The following TAFA1 variants were observed in gnomAD, a reference collection of about 807,000 sequenced individuals.
The protein encoded by TAFA1 is TAFA chemokine like family member 1.
TAFA1 carries 4 observed loss-of-function variants against 18.5 expected under a neutral mutation model. That is an observed-to-expected ratio of 0.22 (90% CI 0.11 to 0.49). The LOEUF (loss-of-function observed/expected upper bound fraction) is 0.49. TAFA1 is among the 20% of genes least tolerant of loss of function. The probability of loss-of-function intolerance (pLI) is 0.98; values close to 1 mark genes in which losing one functional copy is unlikely to be tolerated. For missense variants in TAFA1, 147 were observed against 169.0 expected, an observed-to-expected ratio of 0.87 and a Z score of 0.72; for synonymous variants, 56 against 55.2, an observed-to-expected ratio of 1.01 and a Z score of -0.06.
At chr3:68,452,573 C>G (rs2071584027) in intron 3 of TAFA1, among the ~76,000 whole-genome samples, 1 of 150,012 alleles carries the variant, frequency 6.7e-6, no homozygotes, top group African/African-American at 2.5e-5. Context: ...AAGAACATGT[C>G]TACTACTATG....
intron 2 of TAFA1, among the ~76,000 whole-genome samples, chr3:68,190,143 C>A (rs1205774516): frequency 6.6e-6 from 1 of 151,846 alleles, no homozygotes; most frequent in Non-Finnish European, 1.5e-5. Context: ...CTAACGAATT[C>A]TAACATTTTG....
rs150298589 is a variant in TAFA1 at position 68,052,198 on chromosome 3, G to A, written c.118+45454G>A. Among the ~76,000 whole-genome samples, 503 of 152,168 alleles carry A rather than the reference G, an allele frequency of 3.3e-3. 3 individuals carry two copies. The highest frequency in any genetic ancestry group is 0.011 in the African/African-American group (473 of 41,540). On this transcript the variant is annotated intron_variant, in intron 2 of 4. Coordinates refer to ENST00000478136, the MANE Select transcript of TAFA1 (RefSeq NM_213609.4). ...ATTGTTAATAGCTCTTTGCTGTCAA[G>A]AAACCACCATGACCTCTTCTTTCTC...
At chr3:68,472,746 C>A (rs547860738) in intron 3 of TAFA1, among the ~76,000 whole-genome samples, 53 of 151,904 alleles carry the variant, frequency 3.5e-4, no homozygotes, top group Non-Finnish European at 6.0e-4. Context: ...AAATAAAATG[C>A]CTATAAATCA....
intron 2 of TAFA1, among the ~76,000 whole-genome samples, chr3:68,020,466 T>A (rs946196823): frequency 6.6e-6 from 1 of 152,176 alleles, no homozygotes; most frequent in Admixed American, 6.5e-5. Context: ...ATAGCGATAA[T>A]GTGTATTCTG....
intron 3 of TAFA1, among the ~76,000 whole-genome samples, chr3:68,485,627 C>A (rs13096988): frequency 0.2 from 29,838 of 152,134 alleles, 3,066 homozygotes; most frequent in African/African-American, 0.23. Flanking sequence ...AAAGTCCTTG[C>A]ATATACCTGG....
intron 2 of TAFA1, among the ~76,000 whole-genome samples, chr3:68,334,421 G>C (rs1481165536): frequency 6.6e-6 from 1 of 152,140 alleles, no homozygotes; most frequent in Non-Finnish European, 1.5e-5. Flanking sequence ...TGAAGAAAAT[G>C]CTAGGAGTTT....
intron 2 of TAFA1, among the ~76,000 whole-genome samples, chr3:68,403,235 T>C (rs2070532367): frequency 6.6e-6 from 1 of 152,206 alleles, no homozygotes; most frequent in Non-Finnish European, 1.5e-5. Context: ...TGAAATCACT[T>C]AATGACATAT....
intron 2 of TAFA1, among the ~76,000 whole-genome samples, chr3:68,242,472 G>T (rs370118944): frequency 6.6e-6 from 1 of 152,072 alleles, no homozygotes; most frequent in Admixed American, 6.6e-5. Context: ...AAATTAATGA[G>T]GTTTTACTGT....
chr3:68,264,382 A>G (rs2067499387), intron 2 of TAFA1, among the ~76,000 whole-genome samples: 1 of 152,356 alleles, frequency 6.6e-6, no homozygotes, highest in East Asian at 1.9e-4. Flanking sequence ...GTCAACATAC[A>G]TCCCTAACAT....
At chr3:68,251,962 T>C (rs1381949853) in intron 2 of TAFA1, among the ~76,000 whole-genome samples, 1 of 152,138 alleles carries the variant, frequency 6.6e-6, no homozygotes, top group Non-Finnish European at 1.5e-5. Flanking sequence ...CACACTGGGG[T>C]CTATGCAGTT....
At chr3:68,201,345 G>C (rs1358722500) in intron 2 of TAFA1, among the ~76,000 whole-genome samples, 1 of 151,680 alleles carries the variant, frequency 6.6e-6, no homozygotes, top group Non-Finnish European at 1.5e-5. Context: ...AGAAGAATGT[G>C]TGTTCTGCTG....
At chr3:68,438,520 T>C (rs930213853) in intron 3 of TAFA1, among the ~76,000 whole-genome samples, 12 of 152,094 alleles carry the variant, frequency 7.9e-5, no homozygotes, top group Admixed American at 6.6e-4. Flanking sequence ...TGCACACTGT[T>C]CTCTCTACAG....
intron 2 of TAFA1, among the ~76,000 whole-genome samples, chr3:68,078,678 A>T (rs1489518848): frequency 6.6e-6 from 1 of 152,026 alleles, no homozygotes; most frequent in East Asian, 1.9e-4. Context: ...ATCATGGTGG[A>T]TAAGCTTTTT....
At chr3:68,083,255 C>T (rs1055959379) in intron 2 of TAFA1, among the ~76,000 whole-genome samples, 8 of 152,198 alleles carry the variant, frequency 5.3e-5, no homozygotes, top group African/African-American at 1.9e-4. Context: ...CTATCATCTG[C>T]ACCAAACCTT....
chr3:68,410,730 A>AAAAAAAAAG (rs2070699415), intron 2 of TAFA1, among the ~76,000 whole-genome samples: 1 of 147,100 alleles, frequency 6.8e-6, no homozygotes, highest in African/African-American at 2.5e-5. Context: ...AAAAAAAAAA[A>AAAAAAAAAG]AAAGGAAGCT....
chr3:68,257,275 A>G (rs2067316600), intron 2 of TAFA1, among the ~76,000 whole-genome samples: 1 of 152,054 alleles, frequency 6.6e-6, no homozygotes, highest in Non-Finnish European at 1.5e-5. Flanking sequence ...CAGAATTTAA[A>G]TTGGCCTCTC....
At chr3:68,436,552 G>C (rs1459053766) in intron 3 of TAFA1, among the ~76,000 whole-genome samples, 1 of 152,090 alleles carries the variant, frequency 6.6e-6, no homozygotes, top group African/African-American at 2.4e-5. Context: ...TCTTTCTTGA[G>C]CTCCAGGCTA....
chr3:68,024,473 G>T (rs1704768799), intron 2 of TAFA1, among the ~76,000 whole-genome samples: 1 of 151,988 alleles, frequency 6.6e-6, no homozygotes, highest in South Asian at 2.1e-4. Flanking sequence ...ATTGTGTTAG[G>T]GAAAGTTAGG....
intron 2 of TAFA1, among the ~76,000 whole-genome samples, chr3:68,280,917 T>C (rs1364841576): frequency 6.6e-6 from 1 of 152,198 alleles, no homozygotes; most frequent in African/African-American, 2.4e-5. Context: ...TGACACCTAA[T>C]CTCGCTACTT....
Sources: allele counts gnomAD v4.1 joint callset (sites outside exome capture counted in the v4.1 genomes callset), GRCh38; gene constraint gnomAD v4.1.1; transcripts MANE v1.5; gene names NCBI Gene and HGNC (gene_info 2026-07-23, HGNC 2026-07-21).